The following SH3RF3 variants were observed in gnomAD, a reference collection of about 807,000 sequenced individuals.
SH3RF3 encodes E3 ubiquitin-protein ligase SH3RF3.
Under a neutral mutation model 66.3 loss-of-function variants are expected in SH3RF3, and 29 were observed. That is an observed-to-expected ratio of 0.44 (90% CI 0.33 to 0.60). The LOEUF (loss-of-function observed/expected upper bound fraction) is 0.60. SH3RF3 is among the 20% of genes least tolerant of loss of function. The pLI is 0.04. For missense variants in SH3RF3, 1,194 were observed against 1,190.9 expected, an observed-to-expected ratio of 1.00 and a Z score of -0.04; for synonymous variants, 583 against 532.0, an observed-to-expected ratio of 1.10 and a Z score of -1.32.
intron 1 of SH3RF3, among the ~76,000 whole-genome samples, chr2:109,289,090 G>A (rs758354408): frequency 2.0e-5 from 3 of 152,172 alleles, no homozygotes; most frequent in Admixed American, 6.5e-5. Flanking sequence ...AGGAGCTGGC[G>A]TTATAAAGCT....
chr2:109,284,222 A>G (rs1680965693), intron 1 of SH3RF3, among the ~76,000 whole-genome samples: 1 of 152,098 alleles, frequency 6.6e-6, no homozygotes, highest in African/African-American at 2.4e-5. Flanking sequence ...ACCCTCAGGA[A>G]TTTCTTTTTG....
intron 1 of SH3RF3, among the ~76,000 whole-genome samples, chr2:109,140,590 C>G (rs1354088641): frequency 1.3e-5 from 2 of 151,954 alleles, no homozygotes; most frequent in Non-Finnish European, 2.9e-5. Flanking sequence ...ACCATGTTAA[C>G]CAGGATGGTC....
rs570925393 is a variant in SH3RF3, at chr2:109,304,897, G to A, written c.574-42777G>A. Among the ~76,000 whole-genome samples, 6 of 152,286 alleles carry A rather than the reference G, an allele frequency of 3.9e-5. 1 individual carries two copies. The highest frequency in any genetic ancestry group is 1.4e-4 in the African/African-American group (6 of 41,568). ...AGAAGACATGGGGTGACGCTGCTGA[G>A]GTCAAGTGCCAGAGTGAAAACTGCT... is the stretch of plus-strand genomic sequence containing the variant. On this transcript the variant is annotated intron_variant, in intron 1 of 9. Transcript: ENST00000309415.
At chr2:109,385,902 CTT>C (rs1675811258) in intron 3 of SH3RF3, among the ~76,000 whole-genome samples, 1 of 42,160 alleles carries the variant, frequency 2.4e-5, no homozygotes, top group Admixed American at 2.1e-4. Context: ...AAACTCTGCT[CTT>C]CTTCATATTT....
intron 1 of SH3RF3, among the ~76,000 whole-genome samples, chr2:109,296,598 C>T (rs1019853257): frequency 6.6e-6 from 1 of 152,118 alleles, no homozygotes; most frequent in East Asian, 1.9e-4. Context: ...CCTTAACATC[C>T]ACCTGTGGCT....
intron 6 of SH3RF3, among the ~76,000 whole-genome samples, chr2:109,434,234 G>A (rs940977854): frequency 6.6e-6 from 1 of 152,194 alleles, no homozygotes; most frequent in African/African-American, 2.4e-5. Flanking sequence ...CTCTGGGCTC[G>A]CCCGCCCTGC....
intron 1 of SH3RF3, among the ~76,000 whole-genome samples, chr2:109,166,326 A>T (rs1332347521): frequency 6.6e-6 from 1 of 152,008 alleles, no homozygotes; most frequent in African/African-American, 2.4e-5. Context: ...AAAATAAAAA[A>T]ATTAGCCGAG....
chr2:109,227,545 G>A (rs909382261), intron 1 of SH3RF3, among the ~76,000 whole-genome samples: 2 of 152,194 alleles, frequency 1.3e-5, no homozygotes, highest in Admixed American at 1.3e-4. Context: ...CCTGGGCCCT[G>A]CCCTTCATCC....
intron 3 of SH3RF3, among the ~76,000 whole-genome samples, chr2:109,381,183 G>A (rs1675647173): frequency 6.6e-6 from 1 of 152,308 alleles, no homozygotes; most frequent in African/African-American, 2.4e-5. Context: ...CTGGAAGTGT[G>A]TCAGCCTAGG....
At chr2:109,180,174 A>G (rs144186299) in intron 1 of SH3RF3, among the ~76,000 whole-genome samples, 7 of 149,758 alleles carry the variant, frequency 4.7e-5, no homozygotes, top group Admixed American at 2.0e-4. Context: ...TTCTCTGTCT[A>G]CTTCCCTCTC....
chr2:109,261,669 C>T (rs1043584868), intron 1 of SH3RF3, among the ~76,000 whole-genome samples: 1 of 152,134 alleles, frequency 6.6e-6, no homozygotes, highest in African/African-American at 2.4e-5. Context: ...GGCCCCATGA[C>T]GACAGGTAAA....
At chr2:109,323,886 G>C (rs911899103) in intron 1 of SH3RF3, among the ~76,000 whole-genome samples, 3 of 152,228 alleles carry the variant, frequency 2.0e-5, no homozygotes, top group Non-Finnish European at 4.4e-5. Flanking sequence ...TGACAGAGCT[G>C]TGCAACCACC....
rs1276901475 is a variant in SH3RF3, at chr2:109,502,693, G to A, written c.*1022G>A. On this transcript the variant is annotated 3_prime_UTR_variant, in exon 10 of 10. Coordinates refer to ENST00000309415, the MANE Select transcript of SH3RF3 (RefSeq NM_001099289.3). ...ATTATTCAAGACCTGGAAACATTTC[G>A]AGGAAGGGCCACTATAATTGTCCTT... 2.6e-5 allele frequency: 4 copies of A among 152,286 alleles called. No homozygotes were observed. The highest frequency in any genetic ancestry group is 2.1e-4 in the South Asian group (1 of 4,828). The allele number at this position is 152,286 out of a possible 1,614,324, so 9.4% of individuals were successfully genotyped here. A position where few individuals can be genotyped will look rare whatever the true frequency, so the allele number is the denominator to read the frequency against.
chr2:109,235,344 C>CT (rs1471231714), intron 1 of SH3RF3, among the ~76,000 whole-genome samples: 9 of 152,218 alleles, frequency 5.9e-5, no homozygotes, highest in Admixed American at 6.5e-5. Context: ...CTAGGGATCT[C>CT]TAAGGGCCAC....
At chr2:109,439,643 G>A (rs1164657457) in intron 7 of SH3RF3, among the ~76,000 whole-genome samples, 1 of 152,078 alleles carries the variant, frequency 6.6e-6, no homozygotes, top group East Asian at 1.9e-4. Flanking sequence ...CAAAGGCAGA[G>A]CACCCCCTGT....
intron 1 of SH3RF3, among the ~76,000 whole-genome samples, chr2:109,343,761 T>C (rs1231210039): frequency 5.3e-5 from 8 of 151,650 alleles, no homozygotes; most frequent in African/African-American, 1.9e-4. Flanking sequence ...TTTTTTTTCT[T>C]AGACACAGGT....
At chr2:109,140,019 G>A (rs1183848326) in intron 1 of SH3RF3, among the ~76,000 whole-genome samples, 4 of 152,180 alleles carry the variant, frequency 2.6e-5, no homozygotes, top group Admixed American at 6.5e-5. Context: ...GACTCATGAC[G>A]TTGAAACTGT....
intron 8 of SH3RF3, among the ~76,000 whole-genome samples, chr2:109,477,442 G>A (rs574763578): frequency 2.3e-4 from 35 of 152,324 alleles, no homozygotes; most frequent in South Asian, 6.2e-4. Context: ...TCAAAGTCCC[G>A]AAACGGGCAT....
At chr2:109,406,664 T>G (rs914484339) in intron 4 of SH3RF3, among the ~76,000 whole-genome samples, 23 of 152,114 alleles carry the variant, frequency 1.5e-4, no homozygotes, top group African/African-American at 5.6e-4. Context: ...ATAACAGAGA[T>G]ATTGAGGCGT....
Sources: gnomAD v4.1 joint callset for allele counts (sites outside exome capture counted in the v4.1 genomes callset) on GRCh38, gnomAD v4.1.1 for gene constraint, MANE v1.5 for transcripts, NCBI Gene and HGNC (gene_info 2026-07-23, HGNC 2026-07-21) for gene names.